GARRE1: variants seen among roughly 807,000 people sequenced by gnomAD.
GARRE1 encodes the protein granule associated Rac and RHOG effector 1, also known as granule associated Rac and RHOG effector protein 1.
A neutral mutation model predicts 103.2 loss-of-function variants in GARRE1; 49 were observed. The observed-to-expected ratio is 0.47, with a 90% CI of 0.38 to 0.60. The LOEUF (loss-of-function observed/expected upper bound fraction) is 0.60, where lower values mean the gene tolerates loss of function less well. Ranked by LOEUF, GARRE1 falls within the 20% of genes least tolerant of loss-of-function variation. The pLI is 0.00. For missense variants in GARRE1, 1,199 were observed against 1,370.5 expected (o/e 0.87, Z 1.98); for synonymous variants, 505 against 532.8 (o/e 0.95, Z 0.72).
intron 12 of GARRE1, 47 bp downstream of exon 12, chr19:34,349,200 A>G: frequency 3.8e-6 from 6 of 1,592,940 alleles, no homozygotes; most frequent in Non-Finnish European, 4.3e-6. Context: ...GGGCATGTGA[A>G]TGCAACCCAT....
At chr19:34,304,144 G>A (rs2073995036) in intron 2 of GARRE1, among the ~76,000 whole-genome samples, 2 of 151,486 alleles carry the variant, frequency 1.3e-5, no homozygotes, top group South Asian at 4.2e-4. Context: ...CCAGGCTGGA[G>A]TGCATTGGCG....
intron 2 of GARRE1, among the ~76,000 whole-genome samples, chr19:34,314,597 G>A (rs1237501053): frequency 6.6e-6 from 1 of 152,180 alleles, no homozygotes; most frequent in Admixed American, 6.5e-5. Context: ...GTGTCTGGGG[G>A]CAGAATGTAC....
At chr19:34,265,931 G>A (rs2073748611) in intron 1 of GARRE1, among the ~76,000 whole-genome samples, 1 of 152,216 alleles carries the variant, frequency 6.6e-6, no homozygotes, top group Non-Finnish European at 1.5e-5. Flanking sequence ...ATCTAGATCA[G>A]TCTGATTCCC....
At chr19:34,320,191 C>G (rs1452385249) in intron 3 of GARRE1, 75 bp downstream of exon 3, 1 of 1,182,628 alleles carries the variant, frequency 8.5e-7, no homozygotes. Context: ...CCTGTTGATT[C>G]TCAAAACAGC....
chr19:34,323,021 T>C (rs1423126094), intron 3 of GARRE1, among the ~76,000 whole-genome samples: 1 of 146,498 alleles, frequency 6.8e-6, no homozygotes, highest in African/African-American at 2.5e-5. Context: ...AGTATTTCTT[T>C]TCTTTTTTTT....
At chr19:34,273,629 C>A (rs913478017) in intron 1 of GARRE1, among the ~76,000 whole-genome samples, 20 of 152,108 alleles carry the variant, frequency 1.3e-4, no homozygotes, top group African/African-American at 4.8e-4. Flanking sequence ...AAACACAGAG[C>A]AAACCGGCAG....
chr19:34,317,600 C>T (rs1412848687), intron 2 of GARRE1, among the ~76,000 whole-genome samples: 2 of 152,184 alleles, frequency 1.3e-5, no homozygotes, highest in Non-Finnish European at 2.9e-5. Context: ...CACATGCAAG[C>T]CGATGCCAGT....
intron 1 of GARRE1, among the ~76,000 whole-genome samples, chr19:34,272,188 A>T (rs2073792051): frequency 6.6e-6 from 1 of 152,136 alleles, no homozygotes; most frequent in African/African-American, 2.4e-5. Context: ...TAAATATAGC[A>T]GGAGGAGTGG....
At chr19:34,276,262 C>T (rs2073816586) in intron 1 of GARRE1, among the ~76,000 whole-genome samples, 1 of 152,130 alleles carries the variant, frequency 6.6e-6, no homozygotes, top group African/African-American at 2.4e-5. Context: ...AGGCTGGTCT[C>T]ATGCTCCTGA....
At chr19:34,335,414 A>G (rs193239557) in intron 8 of GARRE1, among the ~76,000 whole-genome samples, 1 of 152,376 alleles carries the variant, frequency 6.6e-6, no homozygotes, top group East Asian at 1.9e-4. Flanking sequence ...GCTATAAGAG[A>G]AAATATTTAA....
At position 34,351,503 on chromosome 19, in the gene GARRE1, G is replaced by A. The variant is rs1480941679; in HGVS notation, c.2826-11G>A. 1 of 1,611,398 alleles carries A rather than the reference G, an allele frequency of 6.2e-7. No individual in the cohort carries two copies. The highest frequency in any genetic ancestry group is 2.2e-5 in the East Asian group (1 of 44,870). On this transcript the variant is annotated splice_polypyrimidine_tract_variant and intron_variant, in intron 12 of 13. Coordinates refer to ENST00000299505, the MANE Select transcript of GARRE1 (RefSeq NM_014686.5). ...CAAGCAATCACTGCCCTGAGCTCTT[G>A]GTTCTTGCAGGAAACACAGCAGTGG...
At chr19:34,266,330 G>T (rs2073751213) in intron 1 of GARRE1, among the ~76,000 whole-genome samples, 1 of 152,132 alleles carries the variant, frequency 6.6e-6, no homozygotes, top group Non-Finnish European at 1.5e-5. Flanking sequence ...TGAAATATTG[G>T]GAAGAATGAG....
In GARRE1 at chr19:34,300,107, TA is replaced by T. The variant is rs2073968805; in HGVS notation, c.-364del. On this transcript the variant is annotated 5_prime_UTR_variant, in exon 2 of 14. Transcript: ENST00000299505. Reference sequence around the variant, plus strand: ...AGTGTATTACATTATATTACATTTTTAAACGTTAAGTTATTTTTCTGCCATT... The same window carrying T: ...AGTGTATTACATTATATTACATTTTTAACGTTAAGTTATTTTTCTGCCATT... The T allele has an allele frequency of 5.2e-6, 1 of 192,096 alleles. No individual in the cohort carries two copies. Among genetic ancestry groups the T allele is most frequent in the African/African-American group, 2.3e-5 (1 of 42,902 alleles). The allele number at this position is 192,096 out of a possible 1,614,324, so 11.9% of individuals were successfully genotyped here.
chr19:34,324,385 T>C (rs537594562), intron 3 of GARRE1, among the ~76,000 whole-genome samples: 3 of 152,346 alleles, frequency 2.0e-5, no homozygotes, highest in Admixed American at 1.3e-4. Flanking sequence ...GTAATTATTA[T>C]TGAAGTATTT....
intron 1 of GARRE1, 39 bp downstream of exon 1, chr19:34,254,653 G>A (rs1460609834): frequency 6.8e-6 from 1 of 146,616 alleles, no homozygotes; most frequent in Non-Finnish European, 1.5e-5. Context: ...GGGGGCTGGC[G>A]GGCGGGGTCG....
intron 3 of GARRE1, among the ~76,000 whole-genome samples, chr19:34,325,012 T>C (rs2074105284): frequency 6.6e-6 from 1 of 152,216 alleles, no homozygotes; most frequent in South Asian, 2.1e-4. Context: ...CATTGGTGCC[T>C]TCTTCCATGT....
At chr19:34,273,853 A>G (rs1339577547) in intron 1 of GARRE1, among the ~76,000 whole-genome samples, 1 of 152,194 alleles carries the variant, frequency 6.6e-6, no homozygotes, top group African/African-American at 2.4e-5. Context: ...GCGAGAAGGA[A>G]GATGGCACAT....
rs551983882 is a variant in GARRE1, at chr19:34,337,852, C to T, written c.1362-2015C>T. Among the ~76,000 whole-genome samples, 90 of 152,316 alleles carry T rather than the reference C, an allele frequency of 5.9e-4. 1 individual carries two copies. The highest frequency in any genetic ancestry group is 2.7e-3 in the South Asian group (13 of 4,822). On this transcript the variant is annotated intron_variant, in intron 8 of 13. Transcript: ENST00000299505. ...AACAAATGCTCTCCTAGTGGGCAAA[C>T]ATGTGACAAGCCAAGTCACAACCAG... is the stretch of plus-strand genomic sequence containing the variant.
chr19:34,327,463 G>T lies in GARRE1; in HGVS notation c.748G>T (p.Ala250Ser). 1 of 1,614,056 alleles carries T rather than the reference G, an allele frequency of 6.2e-7. No homozygotes were observed. Among genetic ancestry groups the T allele is most frequent in the South Asian group, 1.1e-5 (1 of 91,078 alleles). ...LRERGCDGCL[A>S]GIEVQQLFCS... ...AGAAAGAGGCTGTGATGGTTGCCTG[G>T]CAGGAATTGAAGTTCAACAACTCTT... The change falls in exon 4 of 14, where the codon GCA (alanine) becomes TCA (serine). Residue 250 changes from alanine (A) to serine (S), a missense_variant. Ala to Ser is a moderately conservative substitution (Grantham distance 99). Transcript: ENST00000299505.
Sources: allele counts gnomAD v4.1 joint callset (sites outside exome capture counted in the v4.1 genomes callset), GRCh38; gene constraint gnomAD v4.1.1; transcripts MANE v1.5; gene names NCBI Gene and HGNC (gene_info 2026-07-23, HGNC 2026-07-21).